Variants in SNCAIP observed in about 807,000 individuals in gnomAD.
The protein encoded by SNCAIP is synphilin-1.
In SNCAIP, 43 loss-of-function variants were observed where a neutral mutation model predicts 86.7. The ratio of observed to expected loss-of-function variants is 0.50; its 90% CI spans 0.39 to 0.64. The LOEUF is 0.64. Among genes scored for constraint, SNCAIP ranks in the 30% least tolerant of loss-of-function variants. The pLI, the probability that SNCAIP is intolerant of heterozygous loss-of-function variation, is 0.00. For synonymous variants in SNCAIP, 417 were observed against 427.2 expected (o/e 0.98, Z 0.29); for missense variants, 981 against 1,103.1 (o/e 0.89, Z 1.57).
chr5:122,327,699 C>A (rs1328835399), intron 1 of SNCAIP, among the ~76,000 whole-genome samples: 3 of 152,306 alleles, frequency 2.0e-5, no homozygotes, highest in African/African-American at 7.2e-5. Flanking sequence ...GTCAATTAAA[C>A]CTCTTCCCTT....
intron 3 of SNCAIP, among the ~76,000 whole-genome samples, chr5:122,404,580 A>G (rs1772563950): frequency 6.6e-6 from 1 of 152,242 alleles, no homozygotes; most frequent in Non-Finnish European, 1.5e-5. Flanking sequence ...GTATTAAACT[A>G]TGAAATGATG....
At chr5:122,459,226 C>G (rs1471027042) in intron 10 of SNCAIP, among the ~76,000 whole-genome samples, 1 of 152,110 alleles carries the variant, frequency 6.6e-6, no homozygotes, top group African/African-American at 2.4e-5. Context: ...AGCAAGGTTT[C>G]CCTGTTTTGG....
chr5:122,422,027 AAC>A (rs151134668), intron 3 of SNCAIP, among the ~76,000 whole-genome samples: 44,814 of 131,804 alleles, frequency 0.34, 7,547 homozygotes, highest in African/African-American at 0.43. Flanking sequence ...AAAAAAAAAA[AAC>A]CACTCTGCCT....
intron 3 of SNCAIP, among the ~76,000 whole-genome samples, chr5:122,414,295 A>G (rs186580123): frequency 7.0e-4 from 106 of 151,626 alleles, no homozygotes; most frequent in Non-Finnish European, 8.1e-4. Context: ...CAATGGCACA[A>G]TCTCAGCTCA....
intron 1 of SNCAIP, among the ~76,000 whole-genome samples, chr5:122,314,601 T>A (rs1429857141): frequency 6.6e-6 from 1 of 152,214 alleles, no homozygotes; most frequent in Non-Finnish European, 1.5e-5. Context: ...CCCATTTGAT[T>A]TATATGCAGA....
chr5:122,369,012 GA>G (rs1439673781), intron 1 of SNCAIP, among the ~76,000 whole-genome samples: 1 of 152,096 alleles, frequency 6.6e-6, no homozygotes, highest in Non-Finnish European at 1.5e-5. Context: ...GCATTTTTCT[GA>G]GTCAGTGAAG....
intron 1 of SNCAIP, among the ~76,000 whole-genome samples, chr5:122,339,831 T>C (rs1757206733): frequency 6.6e-6 from 1 of 152,196 alleles, no homozygotes; most frequent in Non-Finnish European, 1.5e-5. Flanking sequence ...GGAACTAACG[T>C]GGAATATTAA....
chr5:122,420,778 A>G (rs548315274), intron 3 of SNCAIP, among the ~76,000 whole-genome samples: 8 of 152,310 alleles, frequency 5.3e-5, no homozygotes, highest in African/African-American at 1.9e-4. Context: ...ATTTTTAGAG[A>G]GAAAAGTTCA....
At chr5:122,357,113 C>T (rs1761174782) in intron 1 of SNCAIP, among the ~76,000 whole-genome samples, 1 of 152,198 alleles carries the variant, frequency 6.6e-6, no homozygotes, top group South Asian at 2.1e-4. Flanking sequence ...AGGTCACTCC[C>T]ACCTTAATGC....
At chr5:122,314,751 G>A (rs886650348) in intron 1 of SNCAIP, among the ~76,000 whole-genome samples, 7 of 152,082 alleles carry the variant, frequency 4.6e-5, no homozygotes, top group African/African-American at 1.2e-4. Flanking sequence ...GGTTTTTTAC[G>A]TTTTTGAAAT....
intron 5 of SNCAIP, among the ~76,000 whole-genome samples, chr5:122,428,228 C>T (rs1777726463): frequency 6.6e-6 from 1 of 152,164 alleles, no homozygotes; most frequent in South Asian, 2.1e-4. Context: ...AACACATAAT[C>T]TTACTGATAC....
intron 1 of SNCAIP, among the ~76,000 whole-genome samples, chr5:122,335,589 G>C (rs949519220): frequency 1.3e-5 from 2 of 152,188 alleles, no homozygotes; most frequent in Non-Finnish European, 2.9e-5. Context: ...AACAGAATCT[G>C]TGCAGGAAGC....
intron 1 of SNCAIP, among the ~76,000 whole-genome samples, chr5:122,364,397 C>T (rs1215721356): frequency 6.6e-6 from 1 of 152,132 alleles, no homozygotes; most frequent in Non-Finnish European, 1.5e-5. Context: ...ATGCAAGAAC[C>T]CTCTCTTGGG....
chr5:122,375,471 C>CTTTTTTTTTTTTTTTTATTTTTTTTT (rs35995238), intron 1 of SNCAIP, among the ~76,000 whole-genome samples: 1 of 115,610 alleles, frequency 8.6e-6, no homozygotes. Context: ...TAGATTTTTG[C>CTTTTTTTTTTTTTTTTATTTTTTTTT]TTTTTTTTTT....
chr5:122,382,312 C>G (rs1470844485), intron 1 of SNCAIP, among the ~76,000 whole-genome samples: 1 of 152,138 alleles, frequency 6.6e-6, no homozygotes. Context: ...TTGCTGATAC[C>G]CTTTCTTCCA....
chr5:122,401,094 G>T, intron 2 of SNCAIP: 7 of 1,549,966 alleles, frequency 4.5e-6, no homozygotes, highest in Non-Finnish European at 6.1e-6. Flanking sequence ...AGTAGTTGCT[G>T]CCCTGGGAGC....
At chr5:122,382,339 C>T (rs780947719) in intron 1 of SNCAIP, among the ~76,000 whole-genome samples, 4 of 152,198 alleles carry the variant, frequency 2.6e-5, no homozygotes, top group Non-Finnish European at 4.4e-5. Flanking sequence ...CGCATTGGCT[C>T]CTGAGACTTC....
chr5:122,357,793 C>T (rs997755076), intron 1 of SNCAIP, among the ~76,000 whole-genome samples: 5 of 152,170 alleles, frequency 3.3e-5, no homozygotes, highest in Middle Eastern at 3.4e-3. Flanking sequence ...TTCAGTCCCT[C>T]GATTGTAGTA....
At chr5:122,353,874 A>G (rs1053913465) in intron 1 of SNCAIP, among the ~76,000 whole-genome samples, 1 of 152,172 alleles carries the variant, frequency 6.6e-6, no homozygotes, top group East Asian at 1.9e-4. Context: ...CAAGATGAGA[A>G]TGGGGTAGGG....
Sources: gnomAD v4.1 joint callset for allele counts (sites outside exome capture counted in the v4.1 genomes callset) on GRCh38, gnomAD v4.1.1 for gene constraint, MANE v1.5 for transcripts, NCBI Gene and HGNC (gene_info 2026-07-23, HGNC 2026-07-21) for gene names.